BPI: variants seen among roughly 807,000 people sequenced by gnomAD.
BPI encodes the protein bactericidal permeability-increasing protein.
BPI carries 48 observed loss-of-function variants against 57.6 expected under a neutral mutation model. The ratio of observed to expected loss-of-function variants is 0.83; its 90% CI spans 0.66 to 1.06. The LOEUF (loss-of-function observed/expected upper bound fraction) is 1.06, where lower values mean the gene tolerates loss of function less well. BPI is among the 50% of genes least tolerant of loss of function. BPI has a pLI of 0.00. For missense variants in BPI, 651 were observed against 609.7 expected (o/e 1.07, Z -0.71); for synonymous variants, 237 against 238.2 (o/e 0.99, Z 0.05).
At position 38,307,695 on chromosome 20, in the gene BPI, G is replaced by A; in HGVS notation, c.245+14G>A. On this transcript the variant is annotated intron_variant, in intron 2 of 14. Coordinates refer to ENST00000642449, the MANE Select transcript of BPI (RefSeq NM_001725.3). Reference sequence around the variant, plus strand: ...TAGCTTCTACAGGTGAGGCCTATCAGAGCTCAATCCTCGATTTGCAGGACT... The same window carrying A: ...TAGCTTCTACAGGTGAGGCCTATCAAAGCTCAATCCTCGATTTGCAGGACT... 2 of 1,591,320 alleles carry A rather than the reference G, an allele frequency of 1.3e-6. No homozygotes were observed. The highest frequency in any genetic ancestry group is 1.7e-6 in the Non-Finnish European group (2 of 1,161,746).
chr20:38,308,962 C>G lies in BPI; in HGVS notation c.278C>G (p.Ser93Cys). The change falls in exon 3 of 15, where the codon TCC becomes TGC. Residue 93 changes from serine (S) to cysteine (C), a missense_variant. Ser to Cys is a moderately radical substitution (Grantham distance 112). Coordinates refer to ENST00000642449, the MANE Select transcript of BPI (RefSeq NM_001725.3). ...ATCCGTGAATTCCAGCTTCCCAGTT[C>G]CCAGATAAGCATGGTGCCCAATGTG... ...MDIREFQLPS[S>C]QISMVPNVGL... 1 of 1,614,204 alleles carries G rather than the reference C, an allele frequency of 6.2e-7. No homozygotes were observed. The highest frequency in any genetic ancestry group is 8.5e-7 in the Non-Finnish European group (1 of 1,180,032).
At chr20:38,331,764 G>C (rs2076743686) in intron 12 of BPI, among the ~76,000 whole-genome samples, 1 of 151,444 alleles carries the variant, frequency 6.6e-6, no homozygotes, top group Non-Finnish European at 1.5e-5. Flanking sequence ...GATGGCTTCA[G>C]CCCGGGAGTT....
At position 38,310,519 on chromosome 20, in the gene BPI, A is replaced by G. The variant is rs1194896312; in HGVS notation, c.403A>G (p.Ile135Val). ...AATGAGCGGCAATTTTGACCTGAGC[A>G]TAGAAGGCATGTCCATTTCGGCTGA... ...LKMSGNFDLS[I>V]EGMSISADLK... The change falls in exon 4 of 15, where the codon ATA (isoleucine) becomes GTA (valine). Residue 135 changes from isoleucine (I) to valine (V), a missense_variant. Physicochemically the swap from Ile to Val is conservative, Grantham distance 29 (BLOSUM62 3). Coordinates refer to ENST00000642449, the MANE Select transcript of BPI (RefSeq NM_001725.3). 1.2e-6 allele frequency: 2 copies of G among 1,614,180 alleles called. No individual in the cohort carries two copies. The highest frequency in any genetic ancestry group is 2.2e-5 in the East Asian group (1 of 44,886).
At position 38,308,969 on chromosome 20, in the gene BPI, A is replaced by T; in HGVS notation, c.285A>T (p.Ile95=). ...AATTCCAGCTTCCCAGTTCCCAGAT[A>T]AGCATGGTGCCCAATGTGGGCCTTA... The part of the protein sequence containing the change: ...IREFQLPSSQ[I]SMVPNVGLKF... Residue 95 remains isoleucine (I), a synonymous_variant, in exon 3 of 15, where the codon ATA becomes ATT. Coordinates refer to ENST00000642449, the MANE Select transcript of BPI (RefSeq NM_001725.3). The T allele has an allele frequency of 6.2e-7, 1 of 1,614,234 alleles. No homozygotes were observed. The highest frequency in any genetic ancestry group is 8.5e-7 in the Non-Finnish European group (1 of 1,180,034).
chr20:38,336,666 CTG>C (rs1361986811), intron 14 of BPI, among the ~76,000 whole-genome samples: 1 of 152,080 alleles, frequency 6.6e-6, no homozygotes, highest in Non-Finnish European at 1.5e-5. Context: ...GGCTGAGAGA[CTG>C]TAGAAAAATA....
chr20:38,305,036 C>G (rs183271259), intron 1 of BPI, among the ~76,000 whole-genome samples: 4 of 152,242 alleles, frequency 2.6e-5, no homozygotes, highest in Admixed American at 6.5e-5. Flanking sequence ...TGCCCCAGCA[C>G]GGGGTTGCTC....
intron 7 of BPI, among the ~76,000 whole-genome samples, chr20:38,320,661 TACACACACACACAC>T (rs369329923): frequency 7.9e-4 from 104 of 130,880 alleles, no homozygotes; most frequent in Admixed American, 3.6e-3. Flanking sequence ...TTATTACCAA[TACACACACACACAC>T]ACACACACAC....
At chr20:38,310,968 C>A (rs1476669465) in intron 4 of BPI, among the ~76,000 whole-genome samples, 2 of 152,208 alleles carry the variant, frequency 1.3e-5, no homozygotes, top group East Asian at 1.9e-4. Context: ...TCTATCCATC[C>A]ATTCAACAAA....
At chr20:38,312,424 T>C (rs1471491305) in intron 5 of BPI, among the ~76,000 whole-genome samples, 3 of 152,246 alleles carry the variant, frequency 2.0e-5, no homozygotes, top group Non-Finnish European at 4.4e-5. Flanking sequence ...CAGCCAGCAC[T>C]TCCCGAACCA....
intron 4 of BPI, among the ~76,000 whole-genome samples, chr20:38,311,211 A>AGTTGCT (rs2076620415): frequency 6.6e-6 from 1 of 152,354 alleles, no homozygotes; most frequent in East Asian, 1.9e-4. Context: ...CAATAACTTA[A>AGTTGCT]GTTGCTACAG....
chr20:38,318,078 A>G (rs2076661351), intron 5 of BPI: 2 of 976,116 alleles, frequency 2.0e-6, no homozygotes, highest in African/African-American at 3.5e-5. Context: ...TGAGACAGCA[A>G]AATCAAACAG....
intron 5 of BPI, among the ~76,000 whole-genome samples, chr20:38,313,674 T>A (rs2076632832): frequency 6.6e-6 from 1 of 152,200 alleles, no homozygotes; most frequent in Admixed American, 6.6e-5. Flanking sequence ...TTGATGATGA[T>A]GATAATGGTG....
chr20:38,315,022 G>A (rs919939650), intron 5 of BPI, among the ~76,000 whole-genome samples: 5 of 152,030 alleles, frequency 3.3e-5, no homozygotes, highest in African/African-American at 1.2e-4. Context: ...GTGATGGTGG[G>A]GATGGTGATG....
At position 38,306,103 on chromosome 20, in the gene BPI, C is replaced by T. The variant is rs192227413; in HGVS notation, c.131-1464C>T. 7.5e-4 allele frequency among the ~76,000 whole-genome samples: 115 copies of T among 152,352 alleles called. 3 individuals carry two copies. In the East Asian group the frequency reaches 0.016, roughly 22 times the overall value. ...CTGGAGTGCAATGGTGCCATCTCAG[C>T]TCACTGCAACCTCTGCCTCCGGGGT... On this transcript the variant is annotated intron_variant, in intron 1 of 14. Coordinates refer to ENST00000642449, the MANE Select transcript of BPI (RefSeq NM_001725.3).
At chr20:38,326,471 A>T in intron 10 of BPI, 39 bp downstream of exon 10, 1 of 1,571,908 alleles carries the variant, frequency 6.4e-7, no homozygotes, top group Non-Finnish European at 8.6e-7. Context: ...GGAGCCCCAG[A>T]CAGTCCCAAC....
chr20:38,333,563 T>C (rs2076752643), intron 12 of BPI, among the ~76,000 whole-genome samples: 1 of 152,094 alleles, frequency 6.6e-6, no homozygotes, highest in Non-Finnish European at 1.5e-5. Context: ...CCTGACCTTT[T>C]GCTATGCCTA....
chr20:38,326,337 C>T lies in BPI; in HGVS notation c.1066C>T (p.Gln356Ter), dbSNP rs769550438. The T allele has an allele frequency of 5.0e-6, 8 of 1,614,020 alleles. No homozygotes were observed. Among genetic ancestry groups the T allele is most frequent in the Non-Finnish European group, 6.8e-6 (8 of 1,180,008 alleles). The change falls in exon 10 of 15, where the codon CAG becomes TAG. Residue 356 changes from glutamine (Q) to a stop codon, truncating the protein, a stop_gained. Transcript: ENST00000642449. LOFTEE classifies it high-confidence loss of function. ...CTCCACCCCGCCACACCTGTCTGTG[C>T]AGCCCACCGGCCTTACCTTCTACCC... is the stretch of plus-strand genomic sequence containing the variant. ...SASTPPHLSV[Q>*]PTGLTFYPAV...
intron 7 of BPI, among the ~76,000 whole-genome samples, chr20:38,320,650 T>C (rs2076676849): frequency 8.0e-6 from 1 of 124,258 alleles, no homozygotes; most frequent in South Asian, 2.7e-4. Context: ...CACATCCTGC[T>C]TTATTACCAA....
chr20:38,308,484 C>T lies in BPI; in HGVS notation c.246-446C>T, dbSNP rs547384896. ...CCCATTCATTCACAGATATTTTGAG[C>T]ACCCACTGTGTGTCTGACACAGCAG... On this transcript the variant is annotated intron_variant, in intron 2 of 14. Transcript: ENST00000642449. Among the ~76,000 whole-genome samples, 10 of 152,316 alleles carry T rather than the reference C, an allele frequency of 6.6e-5. No individual in the cohort carries two copies. In the South Asian group the frequency reaches 2.1e-3, roughly 32 times the overall value.
Sources: gnomAD v4.1 joint callset for allele counts (sites outside exome capture counted in the v4.1 genomes callset) on GRCh38, gnomAD v4.1.1 for gene constraint, MANE v1.5 for transcripts, NCBI Gene and HGNC (gene_info 2026-07-23, HGNC 2026-07-21) for gene names.